The following TAB2 variants were observed in gnomAD, a reference collection of about 807,000 sequenced individuals.
The protein encoded by TAB2 is TGF-beta activated kinase 1 (MAP3K7) binding protein 2, also known as TGF-beta-activated kinase 1 and MAP3K7-binding protein 2.
Under a neutral mutation model 65.0 loss-of-function variants are expected in TAB2, and 3 were observed. The ratio of observed to expected loss-of-function variants is 0.05; its 90% CI spans 0.02 to 0.12. The LOEUF (loss-of-function observed/expected upper bound fraction) is 0.12. Among genes scored for constraint, TAB2 ranks in the 10% least tolerant of loss-of-function variants. The pLI is 1.00. For missense variants in TAB2, 623 were observed against 840.3 expected (o/e 0.74, Z 3.20); for synonymous variants, 298 against 285.1 (o/e 1.05, Z -0.46).
chr6:149,318,276 G>T (rs539170104), intron 1 of TAB2, among the ~76,000 whole-genome samples: 40 of 151,880 alleles, frequency 2.6e-4, no homozygotes, highest in African/African-American at 9.4e-4. Context: ...GTCCGTGCGG[G>T]GGGGGAGGGG....
chr6:149,320,764 A>G lies in TAB2; in HGVS notation c.-90+2749A>G, dbSNP rs533503359. On this transcript the variant is annotated intron_variant, in intron 1 of 6. Transcript: ENST00000637181. ...TGCCTTGTTATAGATATTTTGGGGG[A>G]AAGTTCCTGATAATCTTTATAATAT... 3.9e-5 allele frequency among the ~76,000 whole-genome samples: 6 copies of G among 152,156 alleles called. No homozygotes were observed. In the South Asian group the frequency reaches 1.0e-3, roughly 26 times the overall value.
intron 1 of TAB2, among the ~76,000 whole-genome samples, chr6:149,335,913 T>G (rs557988946): frequency 1.2e-4 from 18 of 152,158 alleles, no homozygotes; most frequent in African/African-American, 4.1e-4. Flanking sequence ...AATATAGATA[T>G]TCATACCTCC....
Position 149,253,676 on chromosome 6 carries a change from C to T in TAB2, c.-121+34900C>T, listed in dbSNP as rs138461278. On this transcript the variant is annotated intron_variant, in intron 1 of 1. Coordinates refer to the TAB2 transcript ENST00000606202. ...TGATGGCTCACGCTTGTAATCCTAGCACTTTGGGAGGCTGAGAGGGGCGGA... is the reference window on the plus strand; with the variant it reads ...TGATGGCTCACGCTTGTAATCCTAGTACTTTGGGAGGCTGAGAGGGGCGGA... Among the ~76,000 whole-genome samples the T allele has an allele frequency of 9.3e-4, 137 of 146,746 alleles. 1 individual carries two copies. The highest frequency in any genetic ancestry group is 3.2e-3 in the African/African-American group (127 of 39,546).
chr6:149,296,935 T>C (rs1190312963), intron 1 of TAB2, among the ~76,000 whole-genome samples: 3 of 152,200 alleles, frequency 2.0e-5, no homozygotes, highest in Non-Finnish European at 4.4e-5. Flanking sequence ...TTGTTCTTTT[T>C]ATTTCGAAAA....
At chr6:149,369,364 T>G (rs1187614700) in intron 1 of TAB2, among the ~76,000 whole-genome samples, 4 of 152,160 alleles carry the variant, frequency 2.6e-5, no homozygotes, top group Non-Finnish European at 5.9e-5. Flanking sequence ...AAAATACTGA[T>G]TTAATAGAAG....
At chr6:149,266,784 C>T (rs970611160) in intron 1 of TAB2, among the ~76,000 whole-genome samples, 7 of 152,184 alleles carry the variant, frequency 4.6e-5, no homozygotes, top group African/African-American at 1.7e-4. Context: ...ACATCATCTC[C>T]TGTCTCTATC....
At chr6:149,398,658 C>T (rs1782259092) in intron 5 of TAB2, among the ~76,000 whole-genome samples, 1 of 152,068 alleles carries the variant, frequency 6.6e-6, no homozygotes, top group Non-Finnish European at 1.5e-5. Context: ...AAACTACAAT[C>T]CTTGAACTTA....
rs373434984 is a variant in TAB2 at position 149,349,914 on chromosome 6, AACAT to A, written c.-89-19990_-89-19987del. 2.3e-3 allele frequency among the ~76,000 whole-genome samples: 345 copies of A among 152,134 alleles called. 1 individual carries two copies. The highest frequency in any genetic ancestry group is 7.1e-3 in the African/African-American group (296 of 41,508). On this transcript the variant is annotated intron_variant, in intron 1 of 6. Transcript: ENST00000637181. ...AAAATAGTCTCTCTGCTTGGGAACT[AACAT>A]ACATGCATGCATTCATTCATTCATT...
At chr6:149,275,462 G>A (rs1158766053) in intron 1 of TAB2, among the ~76,000 whole-genome samples, 1 of 152,112 alleles carries the variant, frequency 6.6e-6, no homozygotes, top group Non-Finnish European at 1.5e-5. Context: ...CCATACTGAT[G>A]TATATACCTT....
intron 1 of TAB2, among the ~76,000 whole-genome samples, chr6:149,320,003 T>G (rs1779382831): frequency 6.6e-6 from 1 of 152,210 alleles, no homozygotes; most frequent in Admixed American, 6.5e-5. Context: ...GGTCCTCTAG[T>G]GGAAAAAAGC....
intron 1 of TAB2, among the ~76,000 whole-genome samples, chr6:149,233,844 A>G (rs992760505): frequency 6.6e-6 from 1 of 152,242 alleles, no homozygotes; most frequent in African/African-American, 2.4e-5. Flanking sequence ...TGCTTGATCC[A>G]TAACGGGCTC....
intron 1 of TAB2, among the ~76,000 whole-genome samples, chr6:149,266,271 G>A (rs776510865): frequency 1.3e-5 from 2 of 152,154 alleles, no homozygotes; most frequent in Admixed American, 6.6e-5. Context: ...CAGGTTGTCC[G>A]TGTGTCTGTG....
intron 6 of TAB2, among the ~76,000 whole-genome samples, chr6:149,405,514 A>T (rs1430453778): frequency 1.3e-5 from 2 of 152,218 alleles, no homozygotes; most frequent in Non-Finnish European, 2.9e-5. Context: ...ATTTCTGTAT[A>T]TGGATAAAGA....
chr6:149,224,925 A>G (rs73781705), intron 1 of TAB2, among the ~76,000 whole-genome samples: 8,895 of 152,276 alleles, frequency 0.058, 450 homozygotes, highest in South Asian at 0.14. Flanking sequence ...GCTGCTTTTT[A>G]GCCATTTTTC....
chr6:149,339,597 ATTTATTTATT>A (rs1562422746), intron 1 of TAB2, among the ~76,000 whole-genome samples: 3,368 of 35,756 alleles, frequency 0.094, 139 homozygotes, highest in African/African-American at 0.15. Context: ...TTATTTATTT[ATTTATTTATT>A]TTTTTTTTTT....
intron 1 of TAB2, among the ~76,000 whole-genome samples, chr6:149,253,917 A>C (rs1352608071): frequency 7.3e-6 from 1 of 136,174 alleles, no homozygotes; most frequent in African/African-American, 2.6e-5. Flanking sequence ...GAGAGACTCC[A>C]TCTCGAAAGA....
At chr6:149,391,764 C>T (rs185900310) in intron 3 of TAB2, among the ~76,000 whole-genome samples, 24 of 152,048 alleles carry the variant, frequency 1.6e-4, no homozygotes, top group African/African-American at 5.5e-4. Context: ...GCTGGTGAAA[C>T]TCCTGGGCTC....
chr6:149,284,470 G>GA (rs139782447), intron 1 of TAB2, among the ~76,000 whole-genome samples: 2,962 of 152,194 alleles, frequency 0.019, 101 homozygotes, highest in African/African-American at 0.066. Flanking sequence ...TGAGTTTCTT[G>GA]AAGTCAATCT....
intron 1 of TAB2, among the ~76,000 whole-genome samples, chr6:149,231,678 A>G (rs1036464135): frequency 1.3e-5 from 2 of 152,252 alleles, no homozygotes; most frequent in African/African-American, 2.4e-5. Context: ...TAGAGCTCCT[A>G]TATTAAAACA....
Sources: gnomAD v4.1 joint callset for allele counts (sites outside exome capture counted in the v4.1 genomes callset) on GRCh38, gnomAD v4.1.1 for gene constraint, MANE v1.5 for transcripts, NCBI Gene and HGNC (gene_info 2026-07-23, HGNC 2026-07-21) for gene names.